Variants in CCDC88A observed in about 807,000 individuals in gnomAD.
CCDC88A encodes the protein coiled-coil and HOOK domain protein 88A, also known as girdin.
Under a neutral mutation model 234.3 loss-of-function variants are expected in CCDC88A, and 54 were observed. The observed-to-expected ratio is 0.23, with a 90% CI of 0.19 to 0.29. The LOEUF (loss-of-function observed/expected upper bound fraction) is 0.29, where lower values mean the gene tolerates loss of function less well. CCDC88A is among the 10% of genes least tolerant of loss of function. The pLI is 1.00. For missense variants in CCDC88A, 1,832 were observed against 2,123.4 expected, an observed-to-expected ratio of 0.86 and a Z score of 2.70; for synonymous variants, 753 against 737.8, an observed-to-expected ratio of 1.02 and a Z score of -0.33.
chr2:55,395,100 C>G (rs1454654307), intron 2 of CCDC88A, among the ~76,000 whole-genome samples: 1 of 152,118 alleles, frequency 6.6e-6, no homozygotes, highest in Non-Finnish European at 1.5e-5. Flanking sequence ...CCTGCCTCAG[C>G]CTCCCAAAAT....
chr2:55,391,452 G>C (rs1053487900), intron 2 of CCDC88A, among the ~76,000 whole-genome samples: 19 of 152,218 alleles, frequency 1.2e-4, no homozygotes, highest in South Asian at 8.3e-4. Flanking sequence ...AAAGAAAATG[G>C]AAACAGTCAA....
At chr2:55,410,367 A>C (rs1680272913) in intron 2 of CCDC88A, among the ~76,000 whole-genome samples, 1 of 152,212 alleles carries the variant, frequency 6.6e-6, no homozygotes, top group Non-Finnish European at 1.5e-5. Flanking sequence ...TGAATTCTAA[A>C]TTCCACAGAT....
rs771250130 is a variant in CCDC88A at position 55,296,300 on chromosome 2, T to C, written c.5049A>G (p.Leu1683=). ...TGSPGSEVVT[L]QQFLEESNKL... ...TATTGCTTTCTTCCAAAAACTGTTGTAGAGTAACAACTTCACTTCCAGGGG... is the reference window on the plus strand; with the variant it reads ...TATTGCTTTCTTCCAAAAACTGTTGCAGAGTAACAACTTCACTTCCAGGGG... Residue 1683 remains leucine (L), a synonymous_variant, in exon 30 of 33, where the codon CTA becomes CTG. Coordinates refer to ENST00000436346, the MANE Select transcript of CCDC88A (RefSeq NM_001365480.1). 1.3e-5 allele frequency: 21 copies of C among 1,614,230 alleles called. No homozygotes were observed. The South Asian group carries it at 2.0e-4, about 15-fold the overall frequency.
At chr2:55,349,719 C>T (rs1669626620) in intron 8 of CCDC88A, 120 bp from the exon 9 acceptor site, 1 of 577,482 alleles carries the variant, frequency 1.7e-6, no homozygotes, top group East Asian at 3.1e-5. Flanking sequence ...TTAGCCATAA[C>T]CCTAATCTAG....
At chr2:55,396,204 T>C (rs188349575) in intron 2 of CCDC88A, among the ~76,000 whole-genome samples, 46 of 152,288 alleles carry the variant, frequency 3.0e-4, no homozygotes, top group African/African-American at 1.1e-3. Flanking sequence ...TGGAGAAAAG[T>C]ATATTTGTAA....
In CCDC88A at chr2:55,326,263, C is replaced by T. The variant is rs183762812; in HGVS notation, c.2997+2031G>A. Among the ~76,000 whole-genome samples, 6 of 152,066 alleles carry T rather than the reference C, an allele frequency of 3.9e-5. No individual in the cohort carries two copies. In the East Asian group the frequency reaches 7.7e-4, roughly 20 times the overall value. Reference sequence around the variant, plus strand: ...AACCCCTGCGCTCAAGCGAACTTGCCGACCTCAGCCTTCCAAAGTGCTGGG... The same window carrying T: ...AACCCCTGCGCTCAAGCGAACTTGCTGACCTCAGCCTTCCAAAGTGCTGGG... On this transcript the variant is annotated intron_variant, in intron 17 of 32. Transcript: ENST00000436346.
chr2:55,327,082 GA>G lies in CCDC88A; in HGVS notation c.2997+1211del, dbSNP rs368775550. 2.6e-5 allele frequency among the ~76,000 whole-genome samples: 4 copies of G among 152,098 alleles called. No homozygotes were observed. In the East Asian group the frequency reaches 7.7e-4, roughly 29 times the overall value. ...TCTTAATAATCCCTTTAGTTAACCA[GA>G]CACAGTTCTAAAATTTATTCTCTGG... On this transcript the variant is annotated intron_variant, in intron 17 of 32. Coordinates refer to ENST00000436346, the MANE Select transcript of CCDC88A (RefSeq NM_001365480.1).
intron 3 of CCDC88A, among the ~76,000 whole-genome samples, chr2:55,378,943 A>T (rs899791494): frequency 6.6e-6 from 1 of 152,014 alleles, no homozygotes; most frequent in African/African-American, 2.4e-5. Context: ...AGGGGGTTTC[A>T]TCATGTTGGC....
intron 12 of CCDC88A, 123 bp downstream of exon 12, chr2:55,343,525 A>G (rs1385723677): frequency 8.6e-6 from 6 of 699,020 alleles, no homozygotes; most frequent in African/African-American, 3.6e-5. Flanking sequence ...GTGTGAAATC[A>G]TATCTATGGA....
intron 13 of CCDC88A, chr2:55,338,970 T>TG: frequency 6.6e-6 from 1 of 152,182 alleles, no homozygotes. Flanking sequence ...TTTTTTTTTT[T>TG]TTGAGATTTT....
chr2:55,377,178 G>C (rs1367026787), intron 3 of CCDC88A, among the ~76,000 whole-genome samples: 1 of 147,858 alleles, frequency 6.8e-6, no homozygotes, highest in Non-Finnish European at 1.5e-5. Flanking sequence ...AAAATTATGA[G>C]GACTGTCACT....
chr2:55,382,132 A>G (rs1419622200), intron 3 of CCDC88A, among the ~76,000 whole-genome samples: 2 of 152,208 alleles, frequency 1.3e-5, no homozygotes, highest in African/African-American at 4.8e-5. Context: ...GTTTTATAAC[A>G]CACATAGAAT....
intron 3 of CCDC88A, among the ~76,000 whole-genome samples, chr2:55,379,351 C>T (rs1674210066): frequency 6.6e-6 from 1 of 152,124 alleles, no homozygotes; most frequent in South Asian, 2.1e-4. Context: ...AATGAAGATA[C>T]TTCAATTTGT....
At position 55,299,843 on chromosome 2, in the gene CCDC88A, G is replaced by A; in HGVS notation, c.4821C>T (p.Val1607=). The A allele has an allele frequency of 6.2e-7, 1 of 1,604,794 alleles. No individual in the cohort carries two copies. The highest frequency in any genetic ancestry group is 8.5e-7 in the Non-Finnish European group (1 of 1,171,792). Residue 1607 remains valine (V), a synonymous_variant, in exon 29 of 33, where the codon GTC becomes GTT. Transcript: ENST00000436346. Reference sequence around the variant, plus strand: ...ATAAATTTACCTACAGCATACCTTTGACTTCATGTAGTGAAGCATTATTAT... The same window carrying A: ...ATAAATTTACCTACAGCATACCTTTAACTTCATGTAGTGAAGCATTATTAT... ...NSNNNASLHE[V]KAGAVNNQSR...
At position 55,328,503 on chromosome 2, in the gene CCDC88A, GACC is replaced by G; in HGVS notation, c.2856-71_2856-69del. ...AAAATTATTTTTAAAGATAATTTAT[GACC>G]ACAAATATTCATGCCATAAATGGGT... is the stretch of plus-strand genomic sequence containing the variant. On this transcript the variant is annotated intron_variant, in intron 16 of 32. Coordinates refer to ENST00000436346, the MANE Select transcript of CCDC88A (RefSeq NM_001365480.1). This position sits in a 1 kb window ranked among gnomAD's most constrained non-coding sequence, Gnocchi z 4.3. 1.7e-6 allele frequency: 2 copies of G among 1,144,660 alleles called. No individual in the cohort carries two copies. The highest frequency in any genetic ancestry group is 2.4e-6 in the Non-Finnish European group (2 of 835,332). The allele number at this position is 1,144,660 out of a possible 1,614,324, so 70.9% of individuals were successfully genotyped here. A position where few individuals can be genotyped will look rare whatever the true frequency, so the allele number is the denominator to read the frequency against.
At chr2:55,302,575 C>T (rs1453470695) in intron 26 of CCDC88A, 1 of 151,796 alleles carries the variant, frequency 6.6e-6, no homozygotes, top group African/African-American at 2.5e-5. Context: ...GTGACAGACA[C>T]TTAATGTGAT....
chr2:55,362,123 C>A (rs1476845114), intron 7 of CCDC88A, 185 bp downstream of exon 7: 5 of 435,406 alleles, frequency 1.1e-5, no homozygotes, highest in Non-Finnish European at 2.0e-5. Flanking sequence ...AACCTAACTG[C>A]AATCTGTTTA....
chr2:55,381,552 CAAAAAA>C (rs5831359), intron 3 of CCDC88A, among the ~76,000 whole-genome samples: 1 of 93,416 alleles, frequency 1.1e-5, no homozygotes, highest in Non-Finnish European at 1.9e-5. Context: ...GACCCTGTCT[CAAAAAA>C]AAAAAAAAAA....
At chr2:55,416,429 TAAATAAATAAA>T (rs1681413180) in intron 2 of CCDC88A, among the ~76,000 whole-genome samples, 1 of 25,686 alleles carries the variant, frequency 3.9e-5, no homozygotes, top group Non-Finnish European at 9.0e-5. Flanking sequence ...AGAGGTCAAA[TAAATAAATAAA>T]TAAATATATA....
Sources: allele counts gnomAD v4.1 joint callset (sites outside exome capture counted in the v4.1 genomes callset), GRCh38; gene constraint gnomAD v4.1.1; non-coding constraint Gnocchi (gnomAD v3.1); transcripts MANE v1.5; gene names NCBI Gene and HGNC (gene_info 2026-07-23, HGNC 2026-07-21).